The following CLYBL variants were observed in gnomAD, a reference collection of about 807,000 sequenced individuals.
The protein encoded by CLYBL is citramalyl-CoA lyase, mitochondrial.
Under a neutral mutation model 38.9 loss-of-function variants are expected in CLYBL, and 31 were observed. That is an observed-to-expected ratio of 0.80 (90% CI 0.60 to 1.08). The LOEUF (loss-of-function observed/expected upper bound fraction) is 1.08. Ranked by LOEUF, CLYBL falls within the 50% of genes least tolerant of loss-of-function variation. The pLI is 0.00. For synonymous variants in CLYBL, 171 were observed against 158.6 expected (o/e 1.08, Z -0.59); for missense variants, 434 against 411.6 (o/e 1.05, Z -0.47).
At chr13:99,902,329 C>T (rs543653540) in intron 8 of CLYBL, among the ~76,000 whole-genome samples, 6 of 152,026 alleles carry the variant, frequency 3.9e-5, no homozygotes, top group Non-Finnish European at 7.4e-5. Context: ...CTCATAAAAG[C>T]GTTTTTAAAA....
intron 2 of CLYBL, among the ~76,000 whole-genome samples, chr13:99,833,026 A>ATT (rs2050848021): frequency 2.8e-5 from 1 of 36,256 alleles, no homozygotes; most frequent in African/African-American, 1.2e-4. Context: ...ATATATATAT[A>ATT]TATATTTTTT....
intron 7 of CLYBL, among the ~76,000 whole-genome samples, chr13:99,871,418 C>T (rs1352370876): frequency 6.6e-6 from 1 of 152,052 alleles, no homozygotes; most frequent in Non-Finnish European, 1.5e-5. Flanking sequence ...ATGAAATAAA[C>T]ACAGTTTGAC....
chr13:99,658,943 A>G (rs2056187390), intron 1 of CLYBL, among the ~76,000 whole-genome samples: 1 of 152,176 alleles, frequency 6.6e-6, no homozygotes, highest in Admixed American at 6.5e-5. Flanking sequence ...TTTAGTATTC[A>G]AAGGTAAAGA....
Position 99,866,287 on chromosome 13 carries a change from A to C in CLYBL, c.682A>C (p.Lys228Gln). The change falls in exon 6 of 9, where the codon AAG becomes CAG. Residue 228 changes from lysine to glutamine, a missense_variant. Lys to Gln is a moderately conservative substitution (Grantham distance 53, BLOSUM62 1). Coordinates refer to ENST00000339105, the MANE Select transcript of CLYBL (RefSeq NM_206808.5). ...CCTGGATATTCTCTACGCCCGGCAAAAGATTGTTGTCATAGCGAAAGCCTT... is the reference window on the plus strand; with the variant it reads ...CCTGGATATTCTCTACGCCCGGCAACAGATTGTTGTCATAGCGAAAGCCTT... ...ETLDILYARQ[K>Q]IVVIAKAFGL... 1 of 1,614,052 alleles carries C rather than the reference A, an allele frequency of 6.2e-7. No homozygotes were observed. Among genetic ancestry groups the C allele is most frequent in the Non-Finnish European group, 8.5e-7 (1 of 1,180,008 alleles).
intron 2 of CLYBL, among the ~76,000 whole-genome samples, chr13:99,841,647 G>A (rs1222849253): frequency 6.6e-6 from 1 of 151,898 alleles, no homozygotes; most frequent in Non-Finnish European, 1.5e-5. Context: ...TGATCTGCCT[G>A]CCTCAGGCTC....
intron 1 of CLYBL, among the ~76,000 whole-genome samples, chr13:99,679,304 A>AAAAG (rs60064447): frequency 0.39 from 53,572 of 137,260 alleles, 11,029 homozygotes; most frequent in East Asian, 0.56. Flanking sequence ...AAAAAAAAAA[A>AAAAG]AAAAGAAAAG....
intron 1 of CLYBL, among the ~76,000 whole-genome samples, chr13:99,617,808 G>C (rs1461817809): frequency 6.6e-6 from 1 of 152,120 alleles, no homozygotes; most frequent in African/African-American, 2.4e-5. Flanking sequence ...TCTCTCCCTA[G>C]CCTGTTGCAG....
chr13:99,639,508 A>G (rs2047065548), intron 1 of CLYBL, among the ~76,000 whole-genome samples: 1 of 152,220 alleles, frequency 6.6e-6, no homozygotes, highest in South Asian at 2.1e-4. Context: ...AGTCATGTAA[A>G]TGCATTTATA....
intron 2 of CLYBL, among the ~76,000 whole-genome samples, chr13:99,782,119 G>C (rs888439896): frequency 6.6e-6 from 1 of 151,728 alleles, no homozygotes; most frequent in Non-Finnish European, 1.5e-5. Context: ...GATCTTCCTG[G>C]GGTCAGTTTT....
At chr13:99,720,432 T>C (rs1443410852) in intron 1 of CLYBL, among the ~76,000 whole-genome samples, 1 of 152,224 alleles carries the variant, frequency 6.6e-6, no homozygotes, top group East Asian at 1.9e-4. Flanking sequence ...TATTGCTGGC[T>C]CATTTAGATT....
At chr13:99,631,702 G>T (rs112686576) in intron 1 of CLYBL, among the ~76,000 whole-genome samples, 2 of 151,900 alleles carry the variant, frequency 1.3e-5, no homozygotes, top group African/African-American at 4.8e-5. Context: ...GGGTTCAAGC[G>T]ATTCTTCTGC....
intron 2 of CLYBL, among the ~76,000 whole-genome samples, chr13:99,797,956 T>G (rs1168623718): frequency 1.3e-5 from 2 of 152,218 alleles, no homozygotes; most frequent in Non-Finnish European, 2.9e-5. Context: ...TACTGTTTTC[T>G]GTGTTTGACT....
At chr13:99,676,599 C>CT (rs112196090) in intron 1 of CLYBL, among the ~76,000 whole-genome samples, 8,753 of 134,990 alleles carry the variant, frequency 0.065, 855 homozygotes, top group African/African-American at 0.22. Flanking sequence ...CTTCTTCATT[C>CT]TTTTTTTTTT....
chr13:99,763,713 C>T (rs1029177720), intron 1 of CLYBL, among the ~76,000 whole-genome samples: 23 of 151,966 alleles, frequency 1.5e-4, no homozygotes, highest in Admixed American at 3.9e-4. Context: ...TGCCACCACG[C>T]CCGGCTAATT....
At chr13:99,697,596 C>T (rs2047999023) in intron 1 of CLYBL, among the ~76,000 whole-genome samples, 1 of 149,996 alleles carries the variant, frequency 6.7e-6, no homozygotes, top group Non-Finnish European at 1.5e-5. Flanking sequence ...GTGATCCTCC[C>T]GCCTTGGCTT....
intron 1 of CLYBL, among the ~76,000 whole-genome samples, chr13:99,764,224 AT>A (rs200910124): frequency 3.4e-5 from 5 of 149,200 alleles, no homozygotes; most frequent in East Asian, 2.0e-4. Context: ...TGCCTGGCTA[AT>A]TTTTTTTTTC....
At chr13:99,773,918 A>C (rs1047291124) in intron 2 of CLYBL, among the ~76,000 whole-genome samples, 30 of 152,142 alleles carry the variant, frequency 2.0e-4, no homozygotes, top group Admixed American at 8.5e-4. Flanking sequence ...CTGACCAAAG[A>C]GATGAGCCTT....
chr13:99,703,837 G>T (rs1462143547), intron 1 of CLYBL, among the ~76,000 whole-genome samples: 3 of 152,026 alleles, frequency 2.0e-5, no homozygotes, highest in Non-Finnish European at 2.9e-5. Context: ...CTTATCCACT[G>T]GTTGGAAGCT....
intron 9 of CLYBL, among the ~76,000 whole-genome samples, chr13:99,906,933 C>T (rs1240909976): frequency 2.0e-5 from 3 of 152,148 alleles, no homozygotes; most frequent in African/African-American, 4.8e-5. Context: ...TGACCCTTTG[C>T]GTCTACATCT....
Sources: allele counts gnomAD v4.1 joint callset (sites outside exome capture counted in the v4.1 genomes callset), GRCh38; gene constraint gnomAD v4.1.1; transcripts MANE v1.5; gene names NCBI Gene and HGNC (gene_info 2026-07-23, HGNC 2026-07-21).